The following SCHIP1 variants were observed in gnomAD, a reference collection of about 807,000 sequenced individuals.
SCHIP1 encodes schwannomin interacting protein 1.
Under a neutral mutation model 29.7 loss-of-function variants are expected in SCHIP1, and 8 were observed. The observed-to-expected ratio is 0.27, with a 90% confidence interval of 0.16 to 0.49. The LOEUF is 0.49. Among genes scored for constraint, SCHIP1 ranks in the 20% least tolerant of loss-of-function variants. The pLI, the probability that SCHIP1 is intolerant of heterozygous loss-of-function variation, is 0.99. For synonymous variants in SCHIP1, 76 were observed against 94.9 expected (o/e 0.80, Z 1.16); for missense variants, 193 against 294.6 (o/e 0.66, Z 2.52).
At chr3:159,722,521 A>G in the SCHIP1 span, 7 of 152,356 alleles carry the variant, frequency 4.6e-5, no homozygotes, top group African/African-American at 1.4e-4. Context: ...GGTCTAATCA[A>G]GGATTTAGGT....
chr3:159,349,740 C>A, the SCHIP1 span, among the ~76,000 whole-genome samples: 1 of 152,188 alleles, frequency 6.6e-6, no homozygotes, highest in South Asian at 2.1e-4. Flanking sequence ...CTCGGTTCAT[C>A]ACCTCTAGGG....
chr3:159,554,812 A>G, the SCHIP1 span, among the ~76,000 whole-genome samples: 7 of 151,714 alleles, frequency 4.6e-5, no homozygotes, highest in African/African-American at 1.7e-4. Flanking sequence ...TTCCTCTAAC[A>G]CCTTTGTAGC....
At chr3:159,798,710 A>G in the SCHIP1 span, among the ~76,000 whole-genome samples, 1 of 152,100 alleles carries the variant, frequency 6.6e-6, no homozygotes, top group Non-Finnish European at 1.5e-5. Flanking sequence ...GTGAGCCGAT[A>G]TCATGCCATT....
the SCHIP1 span, chr3:159,765,022 G>A: frequency 6.5e-7 from 1 of 1,539,880 alleles, no homozygotes; most frequent in South Asian, 1.2e-5. Flanking sequence ...GTGCGTCCCC[G>A]AAGAGCCCCC....
the SCHIP1 span, among the ~76,000 whole-genome samples, chr3:159,545,760 G>A: frequency 4.0e-5 from 6 of 148,610 alleles, no homozygotes; most frequent in Non-Finnish European, 7.4e-5. Flanking sequence ...ACACACATAT[G>A]TATAATACAT....
the SCHIP1 span, among the ~76,000 whole-genome samples, chr3:159,346,905 T>C: frequency 6.6e-6 from 1 of 152,342 alleles, no homozygotes; most frequent in East Asian, 1.9e-4. Flanking sequence ...AAATGCAAGA[T>C]GACATTTGAG....
At chr3:159,277,380 C>T in the SCHIP1 span, among the ~76,000 whole-genome samples, 1 of 151,896 alleles carries the variant, frequency 6.6e-6, no homozygotes, top group Non-Finnish European at 1.5e-5. Context: ...TACAAATTTG[C>T]TTATGTTTCA....
At chr3:159,364,901 C>T in the SCHIP1 span, among the ~76,000 whole-genome samples, 6 of 152,254 alleles carry the variant, frequency 3.9e-5, no homozygotes, top group African/African-American at 2.4e-5. Flanking sequence ...TGTGTGTGCA[C>T]AGGATTGTTG....
chr3:159,697,187 A>G, the SCHIP1 span, among the ~76,000 whole-genome samples: 18 of 152,218 alleles, frequency 1.2e-4, no homozygotes, highest in Non-Finnish European at 2.5e-4. Flanking sequence ...AGAAATGTAG[A>G]CAAACTTTAG....
chr3:159,493,164 C>A, the SCHIP1 span, among the ~76,000 whole-genome samples: 21 of 152,294 alleles, frequency 1.4e-4, no homozygotes, highest in Non-Finnish European at 2.1e-4. Flanking sequence ...ATTGTAAAGA[C>A]CATCAAGGCT....
chr3:159,778,184 G>A, the SCHIP1 span, among the ~76,000 whole-genome samples: 1,295 of 150,898 alleles, frequency 8.6e-3, 18 homozygotes, highest in African/African-American at 0.03. Flanking sequence ...TAGTAGAGAC[G>A]GGGTTTCACC....
At chr3:159,648,376 C>T in the SCHIP1 span, among the ~76,000 whole-genome samples, 1 of 152,090 alleles carries the variant, frequency 6.6e-6, no homozygotes, top group South Asian at 2.1e-4. Flanking sequence ...GTTATATAAA[C>T]TTCAGTGAGT....
At chr3:159,785,427 T>C in the SCHIP1 span, among the ~76,000 whole-genome samples, 2 of 152,220 alleles carry the variant, frequency 1.3e-5, no homozygotes, top group East Asian at 3.8e-4. Context: ...TATCGGGAGA[T>C]GGAATGTTTC....
At chr3:159,502,952 A>C in the SCHIP1 span, among the ~76,000 whole-genome samples, 1 of 152,208 alleles carries the variant, frequency 6.6e-6, no homozygotes, top group Non-Finnish European at 1.5e-5. Flanking sequence ...AGACGCTAAA[A>C]GGCGGTAGAT....
At chr3:159,750,953 CTT>C in the SCHIP1 span, among the ~76,000 whole-genome samples, 1 of 152,074 alleles carries the variant, frequency 6.6e-6, no homozygotes, top group South Asian at 2.1e-4. Flanking sequence ...AATAACAACT[CTT>C]TGACATAATT....
At chr3:159,277,557 T>A in the SCHIP1 span, among the ~76,000 whole-genome samples, 1 of 150,570 alleles carries the variant, frequency 6.6e-6, no homozygotes, top group Admixed American at 6.6e-5. Flanking sequence ...AGGGAATTTC[T>A]ATCAGAATAT....
At chr3:159,333,351 T>G in the SCHIP1 span, among the ~76,000 whole-genome samples, 2 of 152,174 alleles carry the variant, frequency 1.3e-5, no homozygotes, top group Non-Finnish European at 2.9e-5. Flanking sequence ...TGTGAGACAC[T>G]TAGAGTAGTA....
chr3:159,438,175 C>T, the SCHIP1 span, among the ~76,000 whole-genome samples: 2 of 152,090 alleles, frequency 1.3e-5, no homozygotes, highest in East Asian at 1.9e-4. Flanking sequence ...CAGAAGTTCA[C>T]ATATAAAACA....
intron 1 of SCHIP1, among the ~76,000 whole-genome samples, chr3:159,860,309 TG>T (rs1319309924): frequency 2.0e-5 from 3 of 152,218 alleles, no homozygotes; most frequent in African/African-American, 7.2e-5. Context: ...AGTCAAGTCC[TG>T]TGAGGCTTCT....
Sources: allele counts gnomAD v4.1 joint callset (sites outside exome capture counted in the v4.1 genomes callset), GRCh38; gene constraint gnomAD v4.1.1; transcripts MANE v1.5; gene names NCBI Gene and HGNC (gene_info 2026-07-23, HGNC 2026-07-21).